Variants in SLC30A7 observed in about 807,000 individuals in gnomAD.
SLC30A7 encodes zinc transporter 7.
Under a neutral mutation model 46.0 loss-of-function variants are expected in SLC30A7, and 35 were observed. The ratio of observed to expected loss-of-function variants is 0.76; its 90% CI spans 0.58 to 1.01. SLC30A7 has a LOEUF of 1.01. Ranked by LOEUF, SLC30A7 falls within the 50% of genes least tolerant of loss-of-function variation. SLC30A7 has a pLI of 0.00. For missense variants in SLC30A7, 464 were observed against 451.1 expected, an observed-to-expected ratio of 1.03 and a Z score of -0.26; for synonymous variants, 147 against 157.8, an observed-to-expected ratio of 0.93 and a Z score of 0.51.
downstream of SLC30A7, among the ~76,000 whole-genome samples, chr1:100,985,705 G>GCA (rs112851481): frequency 2.0e-5 from 3 of 147,058 alleles, no homozygotes; most frequent in African/African-American, 7.5e-5. Context: ...ACATTTACAT[G>GCA]AAAAAAAAAA....
Position 100,941,425 on chromosome 1 carries a change from T to C in SLC30A7, c.842+19584T>C, listed in dbSNP as rs1654342493. On this transcript the variant is annotated intron_variant, in intron 8 of 10. Coordinates refer to ENST00000357650, the MANE Select transcript of SLC30A7 (RefSeq NM_133496.5). ...ATGAAGCACTAGGCATCTCTTGATTTGACACAGCTTCCCTAATTTCACAAT... is the reference window on the plus strand; with the variant it reads ...ATGAAGCACTAGGCATCTCTTGATTCGACACAGCTTCCCTAATTTCACAAT... 2.2e-5 allele frequency: 9 copies of C among 414,774 alleles called. No individual in the cohort carries two copies. In the Admixed American group the frequency reaches 2.6e-4, roughly 12 times the overall value. 25.7% of individuals were successfully genotyped at this position (414,774 alleles called of 1,614,324 possible). A position where few individuals can be genotyped will look rare whatever the true frequency, so the allele number is the denominator to read the frequency against.
chr1:100,994,157 G>A, the SLC30A7 span, among the ~76,000 whole-genome samples: 2 of 152,080 alleles, frequency 1.3e-5, no homozygotes, highest in African/African-American at 4.8e-5. Context: ...AATCTGATAT[G>A]TTCTTACAGC....
chr1:100,945,269 G>C (rs1198358569), intron 8 of SLC30A7, among the ~76,000 whole-genome samples: 5 of 152,138 alleles, frequency 3.3e-5, no homozygotes, highest in Non-Finnish European at 7.3e-5. Context: ...TTCTTTTGCT[G>C]TGCAGAAGCT....
At chr1:100,974,696 C>T in intron 10 of SLC30A7, 114 bp from the exon 11 acceptor site, 10 of 681,904 alleles carry the variant, frequency 1.5e-5, no homozygotes, top group East Asian at 9.6e-5. Flanking sequence ...TGAAATGATT[C>T]TTTTCTTTTT....
chr1:100,940,787 G>A (rs1237021923), intron 8 of SLC30A7, among the ~76,000 whole-genome samples: 1 of 152,160 alleles, frequency 6.6e-6, no homozygotes, highest in African/African-American at 2.4e-5. Context: ...ACTTTCCACA[G>A]AACATAAACT....
intron 8 of SLC30A7, among the ~76,000 whole-genome samples, chr1:100,943,865 G>C (rs542680636): frequency 6.6e-6 from 1 of 152,036 alleles, no homozygotes; most frequent in East Asian, 1.9e-4. Context: ...ATGATATATA[G>C]GTTTATAGCA....
chr1:100,990,561 G>T, the SLC30A7 span: 1 of 1,614,096 alleles, frequency 6.2e-7, no homozygotes, highest in Non-Finnish European at 8.5e-7. Flanking sequence ...GCCTTAAAGT[G>T]CCTGCTGCAA....
At chr1:100,990,924 G>A in the SLC30A7 span, among the ~76,000 whole-genome samples, 2 of 152,150 alleles carry the variant, frequency 1.3e-5, no homozygotes, top group Non-Finnish European at 2.9e-5. Context: ...CACAGCATTC[G>A]TTTTTAAATA....
chr1:100,905,705 C>T (rs1334486668), intron 2 of SLC30A7, among the ~76,000 whole-genome samples: 2 of 151,960 alleles, frequency 1.3e-5, no homozygotes, highest in African/African-American at 2.4e-5. Flanking sequence ...GACTGTTATT[C>T]CTCCATATTG....
At chr1:100,940,251 C>T (rs1039862146) in intron 8 of SLC30A7, among the ~76,000 whole-genome samples, 13 of 152,088 alleles carry the variant, frequency 8.5e-5, no homozygotes, top group Admixed American at 3.3e-4. Flanking sequence ...ATACTATATA[C>T]CCGGAAACAT....
At chr1:100,950,665 A>G (rs1467546837) in intron 8 of SLC30A7, among the ~76,000 whole-genome samples, 1 of 152,204 alleles carries the variant, frequency 6.6e-6, no homozygotes, top group Non-Finnish European at 1.5e-5. Flanking sequence ...ACACTTTAAA[A>G]ATCAGCTTCT....
chr1:100,988,012 A>T, the SLC30A7 span, among the ~76,000 whole-genome samples: 2 of 152,182 alleles, frequency 1.3e-5, no homozygotes, highest in Non-Finnish European at 2.9e-5. Context: ...TTGCAATAGA[A>T]AACAGCCGTC....
At chr1:100,916,483 C>T (rs72734254) in intron 6 of SLC30A7, among the ~76,000 whole-genome samples, 18,390 of 152,124 alleles carry the variant, frequency 0.12, 1,350 homozygotes, top group Non-Finnish European at 0.17. Context: ...CTGTGCCCAA[C>T]CAGTAGGTGT....
chr1:100,897,262 G>C (rs1295663737), intron 2 of SLC30A7, among the ~76,000 whole-genome samples: 1 of 152,110 alleles, frequency 6.6e-6, no homozygotes, highest in Admixed American at 6.5e-5. Flanking sequence ...TTGGGTTTTG[G>C]TGGCACCTTT....
intron 3 of SLC30A7, among the ~76,000 whole-genome samples, chr1:100,908,037 C>G (rs1218001193): frequency 6.6e-6 from 1 of 151,964 alleles, no homozygotes; most frequent in Non-Finnish European, 1.5e-5. Context: ...TTCTTTAGCT[C>G]TATTTCTTTT....
At chr1:100,952,214 C>T (rs1270424793) in intron 8 of SLC30A7, among the ~76,000 whole-genome samples, 4 of 152,318 alleles carry the variant, frequency 2.6e-5, no homozygotes, top group African/African-American at 9.6e-5. Context: ...CACATACATA[C>T]ACACACGCAC....
At chr1:100,963,570 G>A (rs1001526191) in intron 9 of SLC30A7, among the ~76,000 whole-genome samples, 4 of 152,064 alleles carry the variant, frequency 2.6e-5, no homozygotes, top group Admixed American at 1.3e-4. Context: ...AGTTGATAGC[G>A]GATATGGATG....
chr1:100,992,672 AT>A, the SLC30A7 span: 1 of 1,613,924 alleles, frequency 6.2e-7, no homozygotes, highest in Middle Eastern at 1.7e-4. Context: ...ATTTTGAACA[AT>A]CTCCAGAAGC....
chr1:100,964,103 G>C (rs910896783), intron 9 of SLC30A7, among the ~76,000 whole-genome samples: 2 of 151,884 alleles, frequency 1.3e-5, no homozygotes, highest in Non-Finnish European at 2.9e-5. Flanking sequence ...AGATCAGAAG[G>C]CTAGAGGAAA....
Sources: gnomAD v4.1 joint callset for allele counts (sites outside exome capture counted in the v4.1 genomes callset) on GRCh38, gnomAD v4.1.1 for gene constraint, MANE v1.5 for transcripts, NCBI Gene and HGNC (gene_info 2026-07-23, HGNC 2026-07-21) for gene names.